The following TSPAN9 variants were observed in gnomAD, a reference collection of about 807,000 sequenced individuals.
TSPAN9 encodes tetraspanin 9.
In TSPAN9, 16 loss-of-function variants were observed where a neutral mutation model predicts 31.0. The ratio of observed to expected loss-of-function variants is 0.52; its 90% CI spans 0.35 to 0.78. The LOEUF (loss-of-function observed/expected upper bound fraction) is 0.78. Among genes scored for constraint, TSPAN9 ranks in the 30% least tolerant of loss-of-function variants. TSPAN9 has a pLI of 0.01. For synonymous variants in TSPAN9, 145 were observed against 121.6 expected, an observed-to-expected ratio of 1.19 and a Z score of -1.27; for missense variants, 272 against 312.5, an observed-to-expected ratio of 0.87 and a Z score of 0.98.
Position 3,174,758 on chromosome 12 carries a change from A to G in TSPAN9, c.-17-26419A>G, listed in dbSNP as rs558310177. 4.0e-3 allele frequency among the ~76,000 whole-genome samples: 498 copies of G among 124,126 alleles called. 11 individuals are homozygous for G. Among genetic ancestry groups the G allele is most frequent in the African/African-American group, 0.012 (466 of 39,912 alleles). The allele number at this position is 124,126 out of a possible 152,430, so 81.4% of individuals were successfully genotyped here. A position where few individuals can be genotyped will look rare whatever the true frequency, so the allele number is the denominator to read the frequency against. ...CCACCGCGCCCGGCTAATTTTTTGT[A>G]TTTTTAGTAGAGACGGGGTTTCACC... On this transcript the variant is annotated intron_variant, in intron 2 of 8. Coordinates refer to ENST00000011898, the MANE Select transcript of TSPAN9 (RefSeq NM_006675.5).
At chr12:3,266,507 C>G (rs556614340) in intron 3 of TSPAN9, among the ~76,000 whole-genome samples, 1 of 152,200 alleles carries the variant, frequency 6.6e-6, no homozygotes, top group Non-Finnish European at 1.5e-5. Context: ...GCTCCGTGAC[C>G]TGGGACACGT....
At chr12:3,255,291 G>GA (rs1862325581) in intron 3 of TSPAN9, among the ~76,000 whole-genome samples, 1 of 152,228 alleles carries the variant, frequency 6.6e-6, no homozygotes, top group Non-Finnish European at 1.5e-5. Flanking sequence ...ACTGTGGCAT[G>GA]TGGACCCTTC....
Position 3,242,729 on chromosome 12 carries a change from T to C in TSPAN9, c.64-35692T>C, listed in dbSNP as rs187957606. 1.2e-4 allele frequency among the ~76,000 whole-genome samples: 18 copies of C among 152,346 alleles called. No homozygotes were observed. In the East Asian group the frequency reaches 3.5e-3, roughly 29 times the overall value. ...AGCTGCCACAGTGGGGAGCCCCAGC[T>C]CTGCCCTGAACATATTGTGGAGCCT... On this transcript the variant is annotated intron_variant, in intron 3 of 8. Coordinates refer to ENST00000011898, the MANE Select transcript of TSPAN9 (RefSeq NM_006675.5).
At chr12:3,169,743 G>A (rs1245710377) in intron 2 of TSPAN9, among the ~76,000 whole-genome samples, 1 of 152,182 alleles carries the variant, frequency 6.6e-6, no homozygotes, top group Non-Finnish European at 1.5e-5. Context: ...AACCATGCGA[G>A]TGAGTTTGGA....
intron 2 of TSPAN9, among the ~76,000 whole-genome samples, chr12:3,099,325 G>A (rs2098310722): frequency 6.6e-6 from 1 of 152,106 alleles, no homozygotes; most frequent in African/African-American, 2.4e-5. Flanking sequence ...TCCCTCTGGT[G>A]TATTTTTCAT....
intron 2 of TSPAN9, among the ~76,000 whole-genome samples, chr12:3,176,298 T>G (rs2098355551): frequency 6.6e-6 from 1 of 152,214 alleles, no homozygotes; most frequent in African/African-American, 2.4e-5. Context: ...CAATTTTGCC[T>G]GGGCTGGGGA....
chr12:3,091,218 C>T (rs1243006421), intron 2 of TSPAN9, among the ~76,000 whole-genome samples: 1 of 152,236 alleles, frequency 6.6e-6, no homozygotes, highest in Non-Finnish European at 1.5e-5. Context: ...AACCACTACG[C>T]TCCAGGCTTC....
chr12:3,095,001 G>A (rs1275059435), intron 2 of TSPAN9, among the ~76,000 whole-genome samples: 1 of 108,868 alleles, frequency 9.2e-6, no homozygotes, highest in Non-Finnish European at 1.8e-5. Flanking sequence ...GGTTTTCCTA[G>A]GCAGAGGACC....
At chr12:3,224,707 G>A (rs1241555623) in intron 3 of TSPAN9, among the ~76,000 whole-genome samples, 5 of 152,250 alleles carry the variant, frequency 3.3e-5, no homozygotes, top group Non-Finnish European at 7.3e-5. Flanking sequence ...CACGTACTGC[G>A]CCAGGGTGGC....
intron 2 of TSPAN9, among the ~76,000 whole-genome samples, chr12:3,124,236 T>G (rs1035302283): frequency 2.0e-5 from 3 of 152,218 alleles, no homozygotes; most frequent in African/African-American, 7.2e-5. Context: ...AATGCAACAT[T>G]GCTTAGAATT....
chr12:3,255,070 T>G (rs1244637109), intron 3 of TSPAN9, among the ~76,000 whole-genome samples: 1 of 151,978 alleles, frequency 6.6e-6, no homozygotes, highest in African/African-American at 2.4e-5. Flanking sequence ...AGTCTTCAGC[T>G]CCCCTTTGTC....
intron 2 of TSPAN9, among the ~76,000 whole-genome samples, chr12:3,093,561 G>C (rs2153963497): frequency 6.6e-6 from 1 of 152,310 alleles, no homozygotes; most frequent in South Asian, 2.1e-4. Context: ...TTCTGTTGCA[G>C]GGAACAGAGG....
chr12:3,138,015 G>C (rs1421070919), intron 2 of TSPAN9, among the ~76,000 whole-genome samples: 1 of 152,140 alleles, frequency 6.6e-6, no homozygotes, highest in African/African-American at 2.4e-5. Context: ...CCCCCTCACT[G>C]GCTGTGTGAC....
chr12:3,109,216 G>T (rs1218360199), intron 2 of TSPAN9, among the ~76,000 whole-genome samples: 1 of 151,292 alleles, frequency 6.6e-6, no homozygotes. Context: ...GATTACAGGT[G>T]TGAGCCACCG....
rs750301337 is a variant in TSPAN9 at position 3,093,034 on chromosome 12, T to G, written c.-18+9315T>G. 1.3e-4 allele frequency among the ~76,000 whole-genome samples: 20 copies of G among 152,244 alleles called. No homozygotes were observed. The South Asian group carries it at 1.9e-3, about 14-fold the overall frequency. On this transcript the variant is annotated intron_variant, in intron 2 of 8. Coordinates refer to ENST00000011898, the MANE Select transcript of TSPAN9 (RefSeq NM_006675.5). ...CACGTTCTGATGTTCAGATTGAACC[T>G]GGAACACGGAAAGCATTCAGAGTCC...
At chr12:3,282,584 C>T (rs1460603767) in intron 8 of TSPAN9, among the ~76,000 whole-genome samples, 1 of 152,132 alleles carries the variant, frequency 6.6e-6, no homozygotes, top group South Asian at 2.1e-4. Context: ...TTTCCAAAAA[C>T]AGATGGAGTC....
chr12:3,169,034 A>G (rs556280836), intron 2 of TSPAN9, among the ~76,000 whole-genome samples: 1 of 152,342 alleles, frequency 6.6e-6, no homozygotes, highest in South Asian at 2.1e-4. Flanking sequence ...CCCTGGCAAC[A>G]GTCTGCCAGG....
intron 3 of TSPAN9, among the ~76,000 whole-genome samples, chr12:3,226,676 G>A (rs769563507): frequency 0.7 from 52,403 of 74,466 alleles, 16,565 homozygotes; most frequent in East Asian, 0.83. Context: ...GTGTGTGTGT[G>A]TGTGTGTGTG....
rs139916664 is a variant in TSPAN9 at position 3,104,979 on chromosome 12, C to T, written c.-18+21260C>T. Among the ~76,000 whole-genome samples the T allele has an allele frequency of 6.3e-3, 954 of 152,312 alleles. 9 individuals are homozygous for T. The highest frequency in any genetic ancestry group is 0.022 in the African/African-American group (899 of 41,566). ...TTCCTGTTGTTTGGCTGCTCTCAGG[C>T]GTTCAGCTGGTCACCCTGGGAGAGG... On this transcript the variant is annotated intron_variant, in intron 2 of 8. Transcript: ENST00000011898.
Sources: allele counts gnomAD v4.1 joint callset (sites outside exome capture counted in the v4.1 genomes callset), GRCh38; gene constraint gnomAD v4.1.1; transcripts MANE v1.5; gene names NCBI Gene and HGNC (gene_info 2026-07-23, HGNC 2026-07-21).